The following SGCZ variants were observed in gnomAD, a reference collection of about 807,000 sequenced individuals.
SGCZ encodes the protein zeta-sarcoglycan.
In SGCZ, 40 loss-of-function variants were observed where a neutral mutation model predicts 41.3. The observed-to-expected ratio is 0.97, with a 90% CI of 0.75 to 1.26. The LOEUF is 1.26. Ranked by LOEUF, SGCZ falls within the 50% of genes most tolerant of loss-of-function variation. The pLI is 0.00. For missense variants in SGCZ, 552 were observed against 369.8 expected (o/e 1.49, Z -4.04); for synonymous variants, 206 against 137.5 (o/e 1.50, Z -3.49).
At chr8:14,940,826 G>A (rs1356606504) in intron 1 of SGCZ, among the ~76,000 whole-genome samples, 1 of 151,966 alleles carries the variant, frequency 6.6e-6, no homozygotes, top group East Asian at 1.9e-4. Context: ...CCACAGAAAG[G>A]GGGAGACGTT....
At chr8:14,660,589 A>AAAG (rs1016333380) in intron 1 of SGCZ, among the ~76,000 whole-genome samples, 3 of 151,104 alleles carry the variant, frequency 2.0e-5, no homozygotes, top group South Asian at 2.1e-4. Flanking sequence ...AAAAAAAAAA[A>AAAG]AGAGAGAAAA....
intron 2 of SGCZ, among the ~76,000 whole-genome samples, chr8:14,362,222 T>G (rs1053292840): frequency 6.6e-6 from 1 of 152,206 alleles, no homozygotes; most frequent in Non-Finnish European, 1.5e-5. Context: ...TCCTCAGAGC[T>G]GTCAGGCAGG....
intron 1 of SGCZ, among the ~76,000 whole-genome samples, chr8:15,190,592 C>T (rs1800502480): frequency 6.6e-6 from 1 of 151,806 alleles, no homozygotes; most frequent in African/African-American, 2.4e-5. Context: ...AAGAATGGTG[C>T]AAATCTACAG....
At chr8:14,139,424 A>G (rs574834112) in intron 5 of SGCZ, among the ~76,000 whole-genome samples, 23 of 152,304 alleles carry the variant, frequency 1.5e-4, no homozygotes, top group Admixed American at 1.3e-3. Context: ...TGAAATGATT[A>G]ACAAAATAGG....
At chr8:14,840,634 C>G (rs529132213) in intron 1 of SGCZ, among the ~76,000 whole-genome samples, 4 of 151,994 alleles carry the variant, frequency 2.6e-5, no homozygotes, top group Non-Finnish European at 4.4e-5. Flanking sequence ...CTCTTGCACT[C>G]TAACTATCTT....
intron 1 of SGCZ, among the ~76,000 whole-genome samples, chr8:14,912,637 C>T (rs1306676534): frequency 1.3e-5 from 2 of 151,978 alleles, no homozygotes; most frequent in African/African-American, 4.8e-5. Context: ...AGGAATAGAA[C>T]AGCATAGCAA....
At chr8:14,893,244 G>A (rs1300301973) in intron 1 of SGCZ, among the ~76,000 whole-genome samples, 1 of 152,060 alleles carries the variant, frequency 6.6e-6, no homozygotes, top group Non-Finnish European at 1.5e-5. Flanking sequence ...TTTAAAGATG[G>A]AGGAAGGAGG....
chr8:14,885,370 C>G (rs1804749942), intron 1 of SGCZ, among the ~76,000 whole-genome samples: 1 of 152,118 alleles, frequency 6.6e-6, no homozygotes, highest in Admixed American at 6.6e-5. Context: ...TGCCTAGGGA[C>G]TAACACCTAT....
chr8:14,292,037 G>A (rs781564123), intron 3 of SGCZ, among the ~76,000 whole-genome samples: 13 of 152,036 alleles, frequency 8.6e-5, no homozygotes, highest in Non-Finnish European at 1.5e-4. Context: ...ACTGGGCAAT[G>A]TAATAGGTGG....
At chr8:14,171,334 T>A (rs1171137790) in intron 4 of SGCZ, among the ~76,000 whole-genome samples, 1 of 151,996 alleles carries the variant, frequency 6.6e-6, no homozygotes, top group African/African-American at 2.4e-5. Flanking sequence ...AAAAGAGATC[T>A]TCATGTTGCA....
chr8:14,970,654 T>C (rs1166321175), intron 1 of SGCZ, among the ~76,000 whole-genome samples: 2 of 152,160 alleles, frequency 1.3e-5, no homozygotes, highest in Non-Finnish European at 2.9e-5. Context: ...TCTGTTCCAT[T>C]GACAAATTTA....
chr8:14,540,933 T>G (rs1485919026), intron 2 of SGCZ, among the ~76,000 whole-genome samples: 1 of 151,624 alleles, frequency 6.6e-6, no homozygotes, highest in East Asian at 1.9e-4. Context: ...GTTTAGTTGA[T>G]GTTAACTTCA....
chr8:14,217,026 G>A (rs188868172), intron 4 of SGCZ, among the ~76,000 whole-genome samples: 8 of 152,238 alleles, frequency 5.3e-5, no homozygotes, highest in Admixed American at 3.9e-4. Context: ...GGTGGCTCAC[G>A]CCTGTAATCC....
At chr8:14,639,981 G>T (rs1408611755) in intron 1 of SGCZ, among the ~76,000 whole-genome samples, 1 of 151,526 alleles carries the variant, frequency 6.6e-6, no homozygotes, top group Non-Finnish European at 1.5e-5. Context: ...TAAATCCCGA[G>T]ATATACTTGT....
intron 2 of SGCZ, among the ~76,000 whole-genome samples, chr8:14,384,975 G>A (rs557891632): frequency 6.6e-6 from 1 of 152,162 alleles, no homozygotes; most frequent in Admixed American, 6.5e-5. Flanking sequence ...CCTTTATAAA[G>A]ACTCCTGAAT....
At chr8:14,916,391 G>A (rs941404947) in intron 1 of SGCZ, among the ~76,000 whole-genome samples, 3 of 152,112 alleles carry the variant, frequency 2.0e-5, no homozygotes, top group African/African-American at 7.2e-5. Context: ...ACCACATATA[G>A]ACATAGATAG....
In SGCZ at chr8:14,146,807, G is replaced by A. The variant is rs898400942; in HGVS notation, c.547+17773C>T. 5.5e-4 allele frequency among the ~76,000 whole-genome samples: 79 copies of A among 142,404 alleles called. 9 individuals are homozygous for A. The highest frequency in any genetic ancestry group is 2.0e-3 in the African/African-American group (73 of 37,040). 93.4% of individuals were successfully genotyped at this position (142,404 alleles called of 152,430 possible). A position where few individuals can be genotyped will look rare whatever the true frequency, so the allele number is the denominator to read the frequency against. On this transcript the variant is annotated intron_variant, in intron 5 of 7. Coordinates refer to ENST00000382080, the MANE Select transcript of SGCZ (RefSeq NM_139167.4). ...GAATGGCGTGAACCCGGGAGGCGGA[G>A]CTTGCAGTGAGCCGAGATCCCGCCA...
At chr8:15,023,474 G>A (rs1488505088) in intron 1 of SGCZ, among the ~76,000 whole-genome samples, 4 of 152,156 alleles carry the variant, frequency 2.6e-5, no homozygotes, top group Non-Finnish European at 5.9e-5. Flanking sequence ...ACCATTAATG[G>A]ACACATTAAT....
At chr8:14,424,623 T>C (rs1302913206) in intron 2 of SGCZ, among the ~76,000 whole-genome samples, 1 of 128,258 alleles carries the variant, frequency 7.8e-6, no homozygotes, top group East Asian at 1.9e-4. Context: ...GCTTTTGTTG[T>C]CATTTTTACG....
Sources: allele counts gnomAD v4.1 joint callset (sites outside exome capture counted in the v4.1 genomes callset), GRCh38; gene constraint gnomAD v4.1.1; transcripts MANE v1.5; gene names NCBI Gene and HGNC (gene_info 2026-07-23, HGNC 2026-07-21).